The following CGNL1 variants were observed in gnomAD, a reference collection of about 807,000 sequenced individuals.
The protein encoded by CGNL1 is cingulin-like protein 1.
CGNL1 carries 132 observed loss-of-function variants against 141.2 expected under a neutral mutation model. That is an observed-to-expected ratio of 0.93 (90% CI 0.81 to 1.08). CGNL1 has a LOEUF of 1.08. CGNL1 is among the 50% of genes least tolerant of loss of function. The probability of loss-of-function intolerance (pLI) is 0.00; values close to 1 mark genes in which losing one functional copy is unlikely to be tolerated. For synonymous variants in CGNL1, 690 were observed against 622.1 expected (o/e 1.11, Z -1.63); for missense variants, 1,870 against 1,588.6 (o/e 1.18, Z -3.01).
chr15:57,387,946 C>T (rs1196531221), intron 1 of CGNL1, among the ~76,000 whole-genome samples: 4 of 152,160 alleles, frequency 2.6e-5, no homozygotes, highest in African/African-American at 9.7e-5. Context: ...GCTATCCTGC[C>T]CCCCTCAGCT....
chr15:57,520,134 G>C (rs1177620422), intron 10 of CGNL1, among the ~76,000 whole-genome samples: 1 of 152,214 alleles, frequency 6.6e-6, no homozygotes, highest in Non-Finnish European at 1.5e-5. Context: ...GTTAGCCACT[G>C]GCAGTGCAGC....
intron 1 of CGNL1, among the ~76,000 whole-genome samples, chr15:57,413,206 T>TCTCTTC (rs2062811020): frequency 8.6e-5 from 11 of 128,334 alleles, no homozygotes; most frequent in Admixed American, 5.9e-4. Flanking sequence ...TTTCTCTCTT[T>TCTCTTC]CTCTCTTCCT....
chr15:57,384,155 C>G (rs917895629), intron 1 of CGNL1, among the ~76,000 whole-genome samples: 1 of 152,106 alleles, frequency 6.6e-6, no homozygotes, highest in African/African-American at 2.4e-5. Flanking sequence ...AGCTGATTCT[C>G]CAGGCCTGGC....
chr15:57,446,935 A>T (rs1163191913), intron 4 of CGNL1, among the ~76,000 whole-genome samples: 1 of 152,026 alleles, frequency 6.6e-6, no homozygotes, highest in Non-Finnish European at 1.5e-5. Flanking sequence ...AAATACTGCC[A>T]CTTTAGTAAG....
chr15:57,439,877 G>T (rs1354702419), intron 2 of CGNL1, among the ~76,000 whole-genome samples: 4 of 152,124 alleles, frequency 2.6e-5, no homozygotes, highest in Non-Finnish European at 5.9e-5. Context: ...CAATTGTTCT[G>T]TTTGTGTATG....
chr15:57,392,700 T>C (rs1420528992), intron 1 of CGNL1, among the ~76,000 whole-genome samples: 2 of 152,218 alleles, frequency 1.3e-5, no homozygotes, highest in African/African-American at 2.4e-5. Context: ...ATAATAAAGC[T>C]GTATAAGGTT....
chr15:57,439,549 C>A lies in CGNL1; in HGVS notation c.1550C>A (p.Ser517Tyr). The change falls in exon 2 of 19, where the codon TCT becomes TAT. Residue 517 changes from serine (S) to tyrosine (Y), a missense_variant. Transcript: ENST00000281282. ...QNRATATSPD[S>Y]GAKKISVKTF... Reference sequence around the variant, plus strand: ...CGGGCAACAGCAACTTCGCCTGATTCTGGTGCCAAGAAAATTTCCGTGAAG... The same window carrying A: ...CGGGCAACAGCAACTTCGCCTGATTATGGTGCCAAGAAAATTTCCGTGAAG... The A allele has an allele frequency of 6.2e-7, 1 of 1,614,048 alleles. No homozygotes were observed. Among genetic ancestry groups the A allele is most frequent in the South Asian group, 1.1e-5 (1 of 91,076 alleles).
intron 17 of CGNL1, 108 bp from the exon 18 acceptor site, chr15:57,545,968 T>C (rs376730511): frequency 2.8e-5 from 35 of 1,264,694 alleles, no homozygotes; most frequent in East Asian, 1.7e-4. Flanking sequence ...GGCTGCCCCA[T>C]TGCCCATGTC....
chr15:57,438,121 G>T lies in CGNL1; in HGVS notation c.122G>T (p.Gly41Val). Residue 41 changes from glycine to valine, a missense_variant, in exon 2 of 19, where the codon GGT (glycine) becomes GTT (valine). Coordinates refer to ENST00000281282, the MANE Select transcript of CGNL1 (RefSeq NM_032866.5). ...CAGAACTCCAAGGCAGGCTCCTACG[G>T]TGTCAGTATTCGGGTCCAGGGAATT... is the stretch of plus-strand genomic sequence containing the variant. ...SSQNSKAGSY[G>V]VSIRVQGIDG... The T allele has an allele frequency of 6.2e-7, 1 of 1,614,132 alleles. No homozygotes were observed. The highest frequency in any genetic ancestry group is 8.5e-7 in the Non-Finnish European group (1 of 1,180,030).
intron 1 of CGNL1, among the ~76,000 whole-genome samples, chr15:57,401,149 G>A (rs1302624720): frequency 6.6e-6 from 1 of 151,856 alleles, no homozygotes; most frequent in Non-Finnish European, 1.5e-5. Context: ...ATAAATTTTT[G>A]TTGGTTGTTT....
At chr15:57,518,520 A>T (rs577015793) in intron 10 of CGNL1, 23 bp downstream of exon 10, 4 of 1,511,432 alleles carry the variant, frequency 2.6e-6, no homozygotes, top group Middle Eastern at 1.7e-4. Flanking sequence ...GGCTGTTGTC[A>T]TTACTCCCTC....
intron 8 of CGNL1, among the ~76,000 whole-genome samples, chr15:57,475,184 G>A (rs541017592): frequency 1.5e-4 from 23 of 152,226 alleles, no homozygotes; most frequent in Admixed American, 1.2e-3. Flanking sequence ...CAAGTCCCTG[G>A]TGGCTTCCCT....
intron 1 of CGNL1, chr15:57,394,102 TTTG>T (rs1231490058): frequency 0.46 from 25,536 of 55,104 alleles, 6,231 homozygotes; most frequent in East Asian, 0.68. Flanking sequence ...GTAATTTCTG[TTTG>T]TTTTTTTTTT....
intron 1 of CGNL1, among the ~76,000 whole-genome samples, chr15:57,402,477 G>A (rs777150931): frequency 2.6e-5 from 4 of 152,294 alleles, no homozygotes; most frequent in Admixed American, 2.6e-4. Flanking sequence ...AGCACACCAT[G>A]CTCTAAGTAG....
At chr15:57,523,836 C>T (rs1169492772) in intron 11 of CGNL1, among the ~76,000 whole-genome samples, 195 bp downstream of exon 11, 2 of 152,154 alleles carry the variant, frequency 1.3e-5, no homozygotes, top group African/African-American at 4.8e-5. Flanking sequence ...ACATTAATGC[C>T]AGTACCCTCT....
At chr15:57,391,456 C>A (rs1351986210) in intron 1 of CGNL1, among the ~76,000 whole-genome samples, 1 of 152,156 alleles carries the variant, frequency 6.6e-6, no homozygotes, top group East Asian at 1.9e-4. Context: ...TAGATGGGGA[C>A]CAAAACCTTG....
chr15:57,427,502 C>T (rs1369812707), intron 1 of CGNL1, among the ~76,000 whole-genome samples: 1 of 152,170 alleles, frequency 6.6e-6, no homozygotes, highest in African/African-American at 2.4e-5. Flanking sequence ...ATGGACGCTT[C>T]CCCAGTGGCT....
intron 8 of CGNL1, among the ~76,000 whole-genome samples, chr15:57,473,752 A>G (rs1389279739): frequency 3.3e-5 from 5 of 152,052 alleles, no homozygotes; most frequent in Non-Finnish European, 5.9e-5. Flanking sequence ...CAGCCATGTG[A>G]GTGTGCCATC....
chr15:57,511,528 G>A (rs2030303080), intron 8 of CGNL1, among the ~76,000 whole-genome samples: 1 of 152,202 alleles, frequency 6.6e-6, no homozygotes, highest in Non-Finnish European at 1.5e-5. Context: ...TTGTAATTTT[G>A]ATGGATACTA....
Sources: allele counts gnomAD v4.1 joint callset (sites outside exome capture counted in the v4.1 genomes callset), GRCh38; gene constraint gnomAD v4.1.1; transcripts MANE v1.5; gene names NCBI Gene and HGNC (gene_info 2026-07-23, HGNC 2026-07-21).